ODAD2: variants seen among roughly 807,000 people sequenced by gnomAD.
ODAD2 encodes outer dynein arm docking complex subunit 2.
A neutral mutation model predicts 106.8 loss-of-function variants in ODAD2; 89 were observed. That is an observed-to-expected ratio of 0.83 (90% confidence interval 0.70 to 0.99). The LOEUF is 0.99. ODAD2 is among the 50% of genes least tolerant of loss of function. The pLI is 0.00. For missense variants in ODAD2, 1,168 were observed against 1,238.5 expected, an observed-to-expected ratio of 0.94 and a Z score of 0.85; for synonymous variants, 404 against 436.2, an observed-to-expected ratio of 0.93 and a Z score of 0.92.
chr10:27,963,816 A>G (rs1298878027), intron 9 of ODAD2, among the ~76,000 whole-genome samples: 5 of 149,558 alleles, frequency 3.3e-5, no homozygotes, highest in African/African-American at 1.2e-4. Context: ...TTAGACCCCC[A>G]TGCATTTGGC....
intron 16 of ODAD2, 139 bp downstream of exon 16, chr10:27,934,871 A>C (rs1336008938): frequency 2.7e-5 from 31 of 1,145,608 alleles, no homozygotes; most frequent in Non-Finnish European, 3.6e-5. Context: ...GATTTGGTAA[A>C]CTTGTGATTA....
intron 17 of ODAD2, among the ~76,000 whole-genome samples, chr10:27,863,091 G>A (rs1012805410): frequency 6.6e-6 from 1 of 152,138 alleles, no homozygotes; most frequent in Non-Finnish European, 1.5e-5. Flanking sequence ...CTTGTTTTAT[G>A]TGTATTTCTG....
intron 18 of ODAD2, among the ~76,000 whole-genome samples, chr10:27,861,741 A>G (rs1354898122): frequency 6.6e-6 from 1 of 152,232 alleles, no homozygotes; most frequent in Non-Finnish European, 1.5e-5. Context: ...TGGGCATACT[A>G]TTACTGAATC....
Position 27,983,962 on chromosome 10 carries a change from C to G in ODAD2, c.700G>C (p.Gly234Arg). Residue 234 changes from glycine to arginine, a missense_variant, in exon 6 of 20, where the codon GGA becomes CGA. Around this residue, in one of 3 missense-constraint regions of ODAD2, gnomAD observed 430 missense variants for 452.2 expected, o/e 0.95. Transcript: ENST00000305242. The stretch of plus-strand genomic sequence containing the variant: ...TGTCTCCACGGTGGGGCTCGACATC[C>G]ATTTGAAAATTCATAATCTGAAACC... ...EYTSDYEFSN[G>R]CRAPPWRQIR... 1 of 1,608,100 alleles carries G rather than the reference C, an allele frequency of 6.2e-7. No homozygotes were observed. Among genetic ancestry groups the G allele is most frequent in the Non-Finnish European group, 8.5e-7 (1 of 1,178,822 alleles).
At chr10:27,829,411 T>C (rs1837310566) in intron 19 of ODAD2, among the ~76,000 whole-genome samples, 1 of 152,210 alleles carries the variant, frequency 6.6e-6, no homozygotes, top group African/African-American at 2.4e-5. Context: ...TCTCAAGGCC[T>C]CCTTGGCCTT....
intron 19 of ODAD2, among the ~76,000 whole-genome samples, chr10:27,858,303 G>A (rs766670823): frequency 8.5e-5 from 13 of 152,152 alleles, no homozygotes; most frequent in Non-Finnish European, 1.9e-4. Context: ...TCAGAACAGA[G>A]TAGGAAGAAG....
chr10:27,872,152 CTGTT>C (rs1440328340), intron 17 of ODAD2, among the ~76,000 whole-genome samples: 7 of 151,964 alleles, frequency 4.6e-5, no homozygotes, highest in African/African-American at 1.5e-4. Context: ...ATTTGGCTCT[CTGTT>C]TGTCTGTTAT....
At chr10:27,880,299 T>C (rs1841614752) in intron 17 of ODAD2, among the ~76,000 whole-genome samples, 1 of 152,240 alleles carries the variant, frequency 6.6e-6, no homozygotes, top group Admixed American at 6.5e-5. Flanking sequence ...ATCTATGTAA[T>C]ACTTAGAGAA....
chr10:27,905,590 G>A (rs9663255), intron 17 of ODAD2, among the ~76,000 whole-genome samples: 100,829 of 151,984 alleles, frequency 0.66, 33,763 homozygotes, highest in Middle Eastern at 0.74. Flanking sequence ...CAAGGCTGGA[G>A]GCATCACACT....
chr10:27,852,289 T>A (rs898646591), intron 19 of ODAD2, among the ~76,000 whole-genome samples: 4 of 152,200 alleles, frequency 2.6e-5, no homozygotes, highest in African/African-American at 9.7e-5. Context: ...GGCATTTTCC[T>A]GTGTATTTAA....
chr10:27,824,981 T>C (rs566721802), intron 19 of ODAD2, among the ~76,000 whole-genome samples: 18 of 152,286 alleles, frequency 1.2e-4, no homozygotes, highest in African/African-American at 4.3e-4. Context: ...TCCACTTGGA[T>C]ATAAAAATGA....
At chr10:27,952,377 A>G (rs992870993) in intron 10 of ODAD2, among the ~76,000 whole-genome samples, 9 of 151,968 alleles carry the variant, frequency 5.9e-5, no homozygotes, top group African/African-American at 2.2e-4. Flanking sequence ...TCCTATATTG[A>G]CAACTTTTTT....
chr10:27,939,622 C>T (rs531798595), intron 14 of ODAD2, among the ~76,000 whole-genome samples: 2 of 151,928 alleles, frequency 1.3e-5, no homozygotes, highest in African/African-American at 2.4e-5. Context: ...CCTGAAGTGC[C>T]GGCTACTTGG....
chr10:27,914,122 T>G (rs1844199933), intron 16 of ODAD2, among the ~76,000 whole-genome samples: 1 of 152,018 alleles, frequency 6.6e-6, no homozygotes, highest in Non-Finnish European at 1.5e-5. Context: ...AAAATGTACA[T>G]ACAAACCATG....
chr10:27,860,473 A>C, intron 19 of ODAD2, 152 bp downstream of exon 19: 2 of 682,622 alleles, frequency 2.9e-6, no homozygotes, highest in Non-Finnish European at 4.9e-6. Context: ...AAAAGTCATG[A>C]TAACACATGG....
intron 16 of ODAD2, among the ~76,000 whole-genome samples, chr10:27,919,534 G>A (rs975982808): frequency 2.0e-5 from 3 of 151,870 alleles, no homozygotes; most frequent in Admixed American, 6.6e-5. Flanking sequence ...TATACAAATT[G>A]GTAATAAAGA....
chr10:27,818,582 G>C (rs781095447), intron 19 of ODAD2, among the ~76,000 whole-genome samples: 3 of 152,140 alleles, frequency 2.0e-5, no homozygotes, highest in Non-Finnish European at 4.4e-5. Context: ...CCTATACTAA[G>C]AGCTTGATTT....
chr10:27,834,576 G>A (rs1046513724), intron 19 of ODAD2, among the ~76,000 whole-genome samples: 13 of 152,172 alleles, frequency 8.5e-5, no homozygotes, highest in South Asian at 2.1e-4. Flanking sequence ...ACTGTGCTAC[G>A]AGGAAGGATG....
chr10:27,852,756 T>C (rs1384676152), intron 19 of ODAD2, among the ~76,000 whole-genome samples: 1 of 149,248 alleles, frequency 6.7e-6, no homozygotes. Context: ...AGGTCAGGAG[T>C]TCGAGACCAG....
Sources: allele counts gnomAD v4.1 joint callset (sites outside exome capture counted in the v4.1 genomes callset), GRCh38; gene constraint gnomAD v4.1.1; regional missense constraint gnomAD v4.1.1; transcripts MANE v1.5; gene names NCBI Gene and HGNC (gene_info 2026-07-23, HGNC 2026-07-21).